FSD1L: variants seen among roughly 807,000 people sequenced by gnomAD.
FSD1L encodes fibronectin type III and SPRY domain containing 1 like, also known as FSD1-like protein.
Under a neutral mutation model 71.6 loss-of-function variants are expected in FSD1L, and 45 were observed. The ratio of observed to expected loss-of-function variants is 0.63; its 90% CI spans 0.49 to 0.81. FSD1L has a LOEUF of 0.81. Ranked by LOEUF, FSD1L falls within the 30% of genes least tolerant of loss-of-function variation. The pLI, the probability that FSD1L is intolerant of heterozygous loss-of-function variation, is 0.00. For synonymous variants in FSD1L, 197 were observed against 207.2 expected (o/e 0.95, Z 0.42); for missense variants, 561 against 618.1 (o/e 0.91, Z 0.98).
intron 12 of FSD1L, among the ~76,000 whole-genome samples, chr9:105,537,864 G>A (rs1202810434): frequency 6.6e-6 from 1 of 152,192 alleles, no homozygotes; most frequent in Non-Finnish European, 1.5e-5. Flanking sequence ...TAAGTGTTGA[G>A]TAACTGGCAA....
intron 13 of FSD1L, among the ~76,000 whole-genome samples, chr9:105,544,122 A>T (rs1252959151): frequency 6.6e-6 from 1 of 152,202 alleles, no homozygotes; most frequent in Non-Finnish European, 1.5e-5. Flanking sequence ...AATGATCGCC[A>T]TTCTAACTGG....
chr9:105,484,968 T>C lies in FSD1L; in HGVS notation c.586+466T>C, dbSNP rs556997369. On this transcript the variant is annotated intron_variant, in intron 7 of 13. Coordinates refer to ENST00000481272, the MANE Select transcript of FSD1L (RefSeq NM_001145313.3). ...CACATAGTTAAAATTCAGTGAATGT[T>C]AGGTGTTATCATTATTATTATTGTG... Among the ~76,000 whole-genome samples the C allele has an allele frequency of 2.0e-5, 3 of 152,338 alleles. No individual in the cohort carries two copies. In the South Asian group the frequency reaches 6.2e-4, roughly 32 times the overall value.
chr9:105,471,707 A>T (rs924695414), intron 4 of FSD1L, among the ~76,000 whole-genome samples, 197 bp from the exon 5 acceptor site: 6 of 131,576 alleles, frequency 4.6e-5, no homozygotes, highest in Non-Finnish European at 7.7e-5. Context: ...ATATATATAT[A>T]AAAAAAATAA....
chr9:105,513,129 T>A (rs114229443), intron 10 of FSD1L, among the ~76,000 whole-genome samples, 193 bp downstream of exon 10: 2,400 of 152,290 alleles, frequency 0.016, 88 homozygotes, highest in African/African-American at 0.055. Context: ...TACTTTTTTT[T>A]AGTTTCATCC....
chr9:105,517,486 A>C (rs1589058071), intron 10 of FSD1L, among the ~76,000 whole-genome samples: 1 of 152,348 alleles, frequency 6.6e-6, no homozygotes, highest in East Asian at 1.9e-4. Context: ...CACAAGCCAG[A>C]AGAGAGTGGG....
rs1034974699 is a variant in FSD1L at position 105,547,879 on chromosome 9, A to G, written c.*1396A>G. ...ACTTTTTTTCATTCTCATTTAAAAT[A>G]TATTGTGCTATGATAACCAACCTTC... is the stretch of plus-strand genomic sequence containing the variant. On this transcript the variant is annotated 3_prime_UTR_variant, in exon 14 of 14. Coordinates refer to ENST00000481272, the MANE Select transcript of FSD1L (RefSeq NM_001145313.3). 4.6e-5 allele frequency: 7 copies of G among 152,010 alleles called. No individual in the cohort carries two copies. Among genetic ancestry groups the G allele is most frequent in the African/African-American group, 1.7e-4 (7 of 41,404 alleles). The allele number at this position is 152,010 out of a possible 1,614,324, so 9.4% of individuals were successfully genotyped here. A position where few individuals can be genotyped will look rare whatever the true frequency, so the allele number is the denominator to read the frequency against.
chr9:105,466,303 A>G (rs1311972407), intron 3 of FSD1L, among the ~76,000 whole-genome samples: 12 of 152,242 alleles, frequency 7.9e-5, no homozygotes, highest in Admixed American at 7.2e-4. Flanking sequence ...AAATATTTGT[A>G]CTACCCAAAG....
intron 10 of FSD1L, chr9:105,521,993 A>G: frequency 6.2e-7 from 1 of 1,613,272 alleles, no homozygotes; most frequent in Non-Finnish European, 8.5e-7. Context: ...AGACTTGGGA[A>G]CACATGCTGC....
chr9:105,528,802 GCTT>G (rs1835693429), intron 10 of FSD1L, among the ~76,000 whole-genome samples: 1 of 152,148 alleles, frequency 6.6e-6, no homozygotes, highest in African/African-American at 2.4e-5. Context: ...AAACTAAAGA[GCTT>G]CTGCACAGCA....
At chr9:105,489,836 C>A (rs1361737713) in intron 7 of FSD1L, among the ~76,000 whole-genome samples, 1 of 152,190 alleles carries the variant, frequency 6.6e-6, no homozygotes, top group Non-Finnish European at 1.5e-5. Context: ...GACATGAACT[C>A]ATCATTTTTA....
At chr9:105,453,044 G>GTTTTTTTTTTT (rs774826229) in intron 1 of FSD1L, among the ~76,000 whole-genome samples, 20 of 88,236 alleles carry the variant, frequency 2.3e-4, no homozygotes, top group African/African-American at 3.5e-4. Context: ...ACCTAAAGTT[G>GTTTTTTTTTTT]TTTTTTTTTT....
chr9:105,484,648 G>T (rs1832417768), intron 7 of FSD1L, 146 bp downstream of exon 7: 6 of 482,224 alleles, frequency 1.2e-5, no homozygotes, highest in Non-Finnish European at 1.3e-5. Flanking sequence ...AAATTTGCTA[G>T]TTTTTTTTTA....
At chr9:105,491,194 T>C (rs1276970975) in intron 7 of FSD1L, among the ~76,000 whole-genome samples, 2 of 151,866 alleles carry the variant, frequency 1.3e-5, no homozygotes, top group Non-Finnish European at 2.9e-5. Flanking sequence ...AGCAGTGATT[T>C]GTAGTTCTCC....
At chr9:105,545,382 G>C (rs1234507671) in intron 13 of FSD1L, among the ~76,000 whole-genome samples, 2 of 146,232 alleles carry the variant, frequency 1.4e-5, no homozygotes, top group Non-Finnish European at 3.0e-5. Flanking sequence ...GGGACAATTT[G>C]ACTTCCTCTT....
At chr9:105,455,780 G>A (rs189926463) in intron 1 of FSD1L, among the ~76,000 whole-genome samples, 1 of 152,276 alleles carries the variant, frequency 6.6e-6, no homozygotes, top group Non-Finnish European at 1.5e-5. Flanking sequence ...TGATTAAAAA[G>A]TTACTCCATA....
At chr9:105,456,758 A>T (rs1830381679) in intron 1 of FSD1L, among the ~76,000 whole-genome samples, 2 of 152,198 alleles carry the variant, frequency 1.3e-5, no homozygotes, top group Non-Finnish European at 2.9e-5. Flanking sequence ...CTTCCTATGG[A>T]GACTTATCTC....
chr9:105,466,877 C>A (rs1282946641), intron 3 of FSD1L, among the ~76,000 whole-genome samples: 1 of 151,824 alleles, frequency 6.6e-6, no homozygotes, highest in East Asian at 1.9e-4. Context: ...AACCATTCTT[C>A]TGATTGATAA....
At chr9:105,537,278 C>G (rs1474418889) in intron 12 of FSD1L, among the ~76,000 whole-genome samples, 1 of 152,020 alleles carries the variant, frequency 6.6e-6, no homozygotes, top group African/African-American at 2.4e-5. Context: ...ATTCCGTGAG[C>G]TGTCAGTTAA....
At chr9:105,442,507 C>A in the FSD1L span, among the ~76,000 whole-genome samples, 1 of 150,900 alleles carries the variant, frequency 6.6e-6, no homozygotes, top group Non-Finnish European at 1.5e-5. Context: ...GGTGAAATCC[C>A]ATCTCTACAA....
Sources: allele counts gnomAD v4.1 joint callset (sites outside exome capture counted in the v4.1 genomes callset), GRCh38; gene constraint gnomAD v4.1.1; transcripts MANE v1.5; gene names NCBI Gene and HGNC (gene_info 2026-07-23, HGNC 2026-07-21).